The following DECR1 variants were observed in gnomAD, a reference collection of about 807,000 sequenced individuals.
The protein encoded by DECR1 is 2,4-dienoyl-CoA reductase 1.
Under a neutral mutation model 38.8 loss-of-function variants are expected in DECR1, and 44 were observed. The observed-to-expected ratio is 1.13, with a 90% CI of 0.89 to 1.46. The LOEUF (loss-of-function observed/expected upper bound fraction) is 1.46, where lower values mean the gene tolerates loss of function less well. DECR1 is among the 40% of genes most tolerant of loss of function. The probability of loss-of-function intolerance (pLI) is 0.00; values close to 1 mark genes in which losing one functional copy is unlikely to be tolerated. For synonymous variants in DECR1, 148 were observed against 135.2 expected (o/e 1.09, Z -0.66); for missense variants, 428 against 405.5 (o/e 1.06, Z -0.48).
At chr8:90,031,658 G>C (rs1813498514) in intron 5 of DECR1, among the ~76,000 whole-genome samples, 1 of 152,072 alleles carries the variant, frequency 6.6e-6, no homozygotes, top group African/African-American at 2.4e-5. Flanking sequence ...CTCGGAGACA[G>C]GTATCCTCTG....
At chr8:90,023,618 G>A (rs1018792512) in intron 5 of DECR1, among the ~76,000 whole-genome samples, 3 of 151,766 alleles carry the variant, frequency 2.0e-5, no homozygotes, top group Admixed American at 1.3e-4. Context: ...CAGGAGGAAA[G>A]CAATTAGATT....
chr8:90,012,518 T>C (rs1254606890), intron 1 of DECR1, among the ~76,000 whole-genome samples: 1 of 152,202 alleles, frequency 6.6e-6, no homozygotes, highest in African/African-American at 2.4e-5. Context: ...TTAGGGTCAT[T>C]GGAAATGACT....
chr8:90,019,900 A>G (rs1813107522), intron 4 of DECR1, among the ~76,000 whole-genome samples: 1 of 152,250 alleles, frequency 6.6e-6, no homozygotes, highest in Admixed American at 6.5e-5. Flanking sequence ...ACTTGATTTC[A>G]CTTTATTTAA....
intron 4 of DECR1, among the ~76,000 whole-genome samples, chr8:90,020,466 G>A (rs1813125503): frequency 6.6e-6 from 1 of 152,110 alleles, no homozygotes; most frequent in Non-Finnish European, 1.5e-5. Context: ...ACGGCTCAGT[G>A]GAGCCTTGAC....
chr8:90,043,372 C>T (rs185583218), intron 7 of DECR1, among the ~76,000 whole-genome samples: 2 of 152,290 alleles, frequency 1.3e-5, no homozygotes, highest in Non-Finnish European at 2.9e-5. Context: ...AAGTAATAAT[C>T]CTTGTGGATA....
intron 5 of DECR1, among the ~76,000 whole-genome samples, chr8:90,026,228 C>T (rs1235615771): frequency 6.6e-6 from 1 of 152,202 alleles, no homozygotes; most frequent in Admixed American, 6.5e-5. Flanking sequence ...CAGGATGATA[C>T]TGGCCTCATA....
At chr8:90,028,927 C>A (rs1416167218) in intron 5 of DECR1, among the ~76,000 whole-genome samples, 1 of 151,976 alleles carries the variant, frequency 6.6e-6, no homozygotes, top group Non-Finnish European at 1.5e-5. Flanking sequence ...GACGTACAAT[C>A]TTTTTTTAAT....
At position 90,052,486 on chromosome 8, in the gene DECR1, A is replaced by G. The variant is rs1184133562; in HGVS notation, c.*589A>G. 6.6e-6 allele frequency among the ~76,000 whole-genome samples: 1 copy of G among 152,154 alleles called. No homozygotes were observed. The highest frequency in any genetic ancestry group is 1.5e-5 in the Non-Finnish European group (1 of 68,026). On this transcript the variant is annotated 3_prime_UTR_variant, in exon 10 of 10. Transcript: ENST00000220764. The stretch of plus-strand genomic sequence containing the variant: ...GCCCTTTTTAAATTCATTATCTAGC[A>G]AGATAGTCAAACTTATAAATAATTA...
At chr8:90,006,021 A>G (rs1812729457) in intron 1 of DECR1, 1 of 601,750 alleles carries the variant, frequency 1.7e-6, no homozygotes, top group Admixed American at 2.9e-5. Flanking sequence ...GTGCAAACTC[A>G]CTTGCCACTG....
intron 6 of DECR1, 90 bp downstream of exon 6, chr8:90,037,030 C>A: frequency 2.3e-6 from 2 of 855,994 alleles, no homozygotes; most frequent in Non-Finnish European, 1.9e-6. Flanking sequence ...GGTGTCCATC[C>A]AGAGAAAAGT....
chr8:90,031,616 A>G (rs1228408020), intron 5 of DECR1, among the ~76,000 whole-genome samples: 1 of 152,144 alleles, frequency 6.6e-6, no homozygotes, highest in Non-Finnish European at 1.5e-5. Context: ...AAGGATTTTT[A>G]GATTTTCATA....
At chr8:90,028,904 A>C (rs1427269710) in intron 5 of DECR1, among the ~76,000 whole-genome samples, 1 of 152,082 alleles carries the variant, frequency 6.6e-6, no homozygotes, top group South Asian at 2.1e-4. Flanking sequence ...ATTTATAGAC[A>C]TGGGTGGAAA....
chr8:90,017,105 A>G lies in DECR1; in HGVS notation c.70-19A>G, dbSNP rs534996921. ...TGGAAATATATGTATGCAAATTTAA[A>G]TTCATTTTCCCCTTTTAGTTTTTCA... is the stretch of plus-strand genomic sequence containing the variant. On this transcript the variant is annotated intron_variant, in intron 1 of 9. Coordinates refer to ENST00000220764, the MANE Select transcript of DECR1 (RefSeq NM_001359.2). The G allele has an allele frequency of 1.3e-6, 2 of 1,577,776 alleles. No homozygotes were observed. The highest frequency in any genetic ancestry group is 2.3e-5 in the South Asian group (2 of 88,524).
chr8:90,029,172 C>T (rs1813430133), intron 5 of DECR1: 1 of 152,082 alleles, frequency 6.6e-6, no homozygotes, highest in Admixed American at 6.6e-5. Context: ...TACTGTTATT[C>T]AGCTTTTTCA....
At chr8:90,031,825 T>C (rs778816917) in intron 5 of DECR1, among the ~76,000 whole-genome samples, 23 of 152,270 alleles carry the variant, frequency 1.5e-4, no homozygotes, top group Non-Finnish European at 2.2e-4. Context: ...ATGTGACATA[T>C]AATGCCTGGA....
chr8:90,012,453 T>C (rs1812909923), intron 1 of DECR1, among the ~76,000 whole-genome samples: 1 of 152,126 alleles, frequency 6.6e-6, no homozygotes, highest in South Asian at 2.1e-4. Flanking sequence ...GTGCCCGGCC[T>C]GATGATTTAG....
At chr8:90,021,546 T>C (rs1002949683) in intron 5 of DECR1, among the ~76,000 whole-genome samples, 1 of 152,192 alleles carries the variant, frequency 6.6e-6, no homozygotes, top group Non-Finnish European at 1.5e-5. Flanking sequence ...TTAATGTTAA[T>C]TCTGAAAGAA....
Position 90,043,740 on chromosome 8 carries a change from T to G in DECR1, c.738+940T>G, listed in dbSNP as rs184641192. Among the ~76,000 whole-genome samples the G allele has an allele frequency of 2.0e-4, 31 of 152,322 alleles. No individual in the cohort carries two copies. The East Asian group carries it at 5.4e-3, about 27-fold the overall frequency. On this transcript the variant is annotated intron_variant, in intron 7 of 9. Transcript: ENST00000220764. The stretch of plus-strand genomic sequence containing the variant: ...GATTGAAACTTGTTGACTATCTTAT[T>G]TATCTGACAATTCAATACTAAACAG...
At chr8:90,046,541 G>A (rs1333913083) in intron 8 of DECR1, among the ~76,000 whole-genome samples, 1 of 152,200 alleles carries the variant, frequency 6.6e-6, no homozygotes, top group East Asian at 1.9e-4. Flanking sequence ...GGGACTATGT[G>A]AAAAGACCAA....
Sources: allele counts gnomAD v4.1 joint callset (sites outside exome capture counted in the v4.1 genomes callset), GRCh38; gene constraint gnomAD v4.1.1; transcripts MANE v1.5; gene names NCBI Gene and HGNC (gene_info 2026-07-23, HGNC 2026-07-21).